Variants in BIN2 observed in about 807,000 individuals in gnomAD.
BIN2 encodes bridging integrator 2, also known as breast cancer associated protein BRAP1.
In BIN2, 43 loss-of-function variants were observed where a neutral mutation model predicts 67.9. The observed-to-expected ratio is 0.63, with a 90% CI of 0.50 to 0.82. The LOEUF (loss-of-function observed/expected upper bound fraction) is 0.82. Among genes scored for constraint, BIN2 ranks in the 40% least tolerant of loss-of-function variants. The pLI, the probability that BIN2 is intolerant of heterozygous loss-of-function variation, is 0.00. For synonymous variants in BIN2, 244 were observed against 246.8 expected, an observed-to-expected ratio of 0.99 and a Z score of 0.11; for missense variants, 581 against 671.6, an observed-to-expected ratio of 0.87 and a Z score of 1.49.
intron 9 of BIN2, 70 bp downstream of exon 9, chr12:51,295,726 T>TGG: frequency 7.7e-7 from 1 of 1,301,744 alleles, no homozygotes; most frequent in East Asian, 2.3e-5. Flanking sequence ...GATTCTGGAC[T>TGG]GGAGATGAGG....
At chr12:51,316,029 G>A (rs1225901355) in intron 1 of BIN2, among the ~76,000 whole-genome samples, 1 of 151,830 alleles carries the variant, frequency 6.6e-6, no homozygotes, top group Non-Finnish European at 1.5e-5. Flanking sequence ...TGAATCCCTC[G>A]CCATGTCCAT....
At chr12:51,322,837 T>C (rs1000159138) in intron 1 of BIN2, 2 of 152,176 alleles carry the variant, frequency 1.3e-5, no homozygotes, top group Non-Finnish European at 1.5e-5. Flanking sequence ...CCTCAAATGA[T>C]AGAAAATAAC....
rs1285961655 is a variant in BIN2, at chr12:51,302,902, A to C, written c.218-122T>G. The C allele has an allele frequency of 4.4e-6, 5 of 1,143,388 alleles. No individual in the cohort carries two copies. The African/African-American group carries it at 6.1e-5, about 14-fold the overall frequency. The allele number at this position is 1,143,388 out of a possible 1,614,324, so 70.8% of individuals were successfully genotyped here. On this transcript the variant is annotated intron_variant, in intron 3 of 12. Coordinates refer to ENST00000615107, the MANE Select transcript of BIN2 (RefSeq NM_016293.4). ...AAACTCAGAAGGTTTAGGTTATATA[A>C]GTGAGGAAAGCTGGATGGGGCTGAA...
intron 2 of BIN2, among the ~76,000 whole-genome samples, chr12:51,310,042 G>A (rs1232354441): frequency 6.6e-6 from 1 of 152,136 alleles, no homozygotes; most frequent in Non-Finnish European, 1.5e-5. Flanking sequence ...TCTAAATCCT[G>A]GCCCTGCAAC....
chr12:51,296,888 G>A lies in BIN2; in HGVS notation c.678+201C>T, dbSNP rs565747017. On this transcript the variant is annotated intron_variant, in intron 8 of 12. Coordinates refer to ENST00000615107, the MANE Select transcript of BIN2 (RefSeq NM_016293.4). ...ACACACTTACTCAGTTGTTAAGGGA[G>A]ATGAAGAGGGCCCTCGGATAGTGTA... 3.9e-5 allele frequency among the ~76,000 whole-genome samples: 6 copies of A among 152,340 alleles called. No homozygotes were observed. In the South Asian group the frequency reaches 1.2e-3, roughly 32 times the overall value.
chr12:51,322,357 CA>C (rs1163262337), intron 1 of BIN2, among the ~76,000 whole-genome samples: 1 of 152,164 alleles, frequency 6.6e-6, no homozygotes, highest in African/African-American at 2.4e-5. Flanking sequence ...ACAGAAGATG[CA>C]AGAGTGAAAT....
chr12:51,290,938 C>CAAAAT lies in BIN2; in HGVS notation c.1515+652_1515+653insATTTT, dbSNP rs1945365491. The stretch of plus-strand genomic sequence containing the variant: ...ACAGAGCGAGACTCCGTCTCAAAAA[C>CAAAAT]AAAACAAAACAAAACAAAAAATAAA... On this transcript the variant is annotated intron_variant, in intron 10 of 12. Coordinates refer to ENST00000615107, the MANE Select transcript of BIN2 (RefSeq NM_016293.4). Among the ~76,000 whole-genome samples, 3 of 150,432 alleles carry CAAAAT rather than the reference C, an allele frequency of 2.0e-5. No homozygotes were observed. The South Asian group carries it at 6.3e-4, about 32-fold the overall frequency.
intron 2 of BIN2, among the ~76,000 whole-genome samples, chr12:51,310,743 T>A (rs1945971807): frequency 6.6e-6 from 1 of 152,146 alleles, no homozygotes; most frequent in Non-Finnish European, 1.5e-5. Flanking sequence ...AAAATCATAA[T>A]CGTTTTGTTT....
intron 3 of BIN2, 148 bp from the exon 4 acceptor site, chr12:51,302,928 A>G: frequency 8.8e-7 from 1 of 1,133,484 alleles, no homozygotes; most frequent in South Asian, 1.3e-5. Flanking sequence ...TGGGGCTGAA[A>G]GGAAAAGTCA....
intron 12 of BIN2, 33 bp downstream of exon 12, chr12:51,284,683 T>C: frequency 1.3e-6 from 2 of 1,532,484 alleles, no homozygotes; most frequent in Non-Finnish European, 1.8e-6. Context: ...GTCAATCTAA[T>C]GCCCAATCTA....
intron 12 of BIN2, among the ~76,000 whole-genome samples, chr12:51,284,201 C>A (rs1945184529): frequency 6.6e-6 from 1 of 152,026 alleles, no homozygotes; most frequent in Non-Finnish European, 1.5e-5. Context: ...TTTCTATATG[C>A]TATTTTTACT....
chr12:51,317,717 G>A (rs891808137), intron 1 of BIN2, among the ~76,000 whole-genome samples: 2 of 151,082 alleles, frequency 1.3e-5, no homozygotes, highest in Admixed American at 6.6e-5. Context: ...GGCCGGGAGC[G>A]GTGGCTCACG....
chr12:51,285,520 C>A (rs1565668334), intron 11 of BIN2, among the ~76,000 whole-genome samples: 1 of 151,942 alleles, frequency 6.6e-6, no homozygotes, highest in Non-Finnish European at 1.5e-5. Context: ...TAGGGGAAGA[C>A]CCTGTGAGGT....
At chr12:51,321,993 A>G (rs995009145) in intron 1 of BIN2, among the ~76,000 whole-genome samples, 4 of 152,102 alleles carry the variant, frequency 2.6e-5, no homozygotes, top group African/African-American at 9.7e-5. Context: ...ACCTTTGCCT[A>G]CCCTTTTGTC....
At chr12:51,290,046 T>G (rs1945341259) in intron 10 of BIN2, among the ~76,000 whole-genome samples, 1 of 151,932 alleles carries the variant, frequency 6.6e-6, no homozygotes. Flanking sequence ...ATTCCAACTA[T>G]TGGTCCTTTA....
At chr12:51,299,089 G>T in intron 7 of BIN2, 114 bp downstream of exon 7, 6 of 461,040 alleles carry the variant, frequency 1.3e-5, no homozygotes, top group African/African-American at 2.4e-5. Context: ...AAAAAAAAAA[G>T]GGGGCGGGGC....
intron 9 of BIN2, among the ~76,000 whole-genome samples, chr12:51,295,576 AAATATATATATATATATAT>A (rs1312819964): frequency 1.1e-4 from 2 of 18,406 alleles, no homozygotes; most frequent in South Asian, 2.4e-3. Flanking sequence ...AAAAAAAAAA[AAATATATATATATATATAT>A]ATATATATAT....
intron 9 of BIN2, among the ~76,000 whole-genome samples, chr12:51,294,895 T>C (rs1219799372): frequency 6.6e-6 from 1 of 152,166 alleles, no homozygotes; most frequent in Non-Finnish European, 1.5e-5. Flanking sequence ...ATTTGTTGTA[T>C]TATTCTTTAT....
intron 5 of BIN2, 79 bp downstream of exon 5, chr12:51,301,941 C>A: frequency 1.0e-6 from 1 of 993,416 alleles, no homozygotes; most frequent in East Asian, 2.4e-5. Context: ...TCTAATTCTA[C>A]TTATAATGCT....
Sources: allele counts gnomAD v4.1 joint callset (sites outside exome capture counted in the v4.1 genomes callset), GRCh38; gene constraint gnomAD v4.1.1; transcripts MANE v1.5; gene names NCBI Gene and HGNC (gene_info 2026-07-23, HGNC 2026-07-21).